Variants in SGIP1 observed in about 807,000 individuals in gnomAD.
The protein encoded by SGIP1 is SH3-containing GRB2-like protein 3-interacting protein 1.
Under a neutral mutation model 107.5 loss-of-function variants are expected in SGIP1, and 38 were observed. That is an observed-to-expected ratio of 0.35 (90% CI 0.27 to 0.46). SGIP1 has a LOEUF of 0.46. SGIP1 is among the 20% of genes least tolerant of loss of function. The pLI, the probability that SGIP1 is intolerant of heterozygous loss-of-function variation, is 1.00. For synonymous variants in SGIP1, 365 were observed against 366.1 expected (o/e 1.00, Z 0.03); for missense variants, 929 against 1,019.5 (o/e 0.91, Z 1.21).
intron 5 of SGIP1, among the ~76,000 whole-genome samples, chr1:66,640,261 T>A (rs541849305): frequency 6.6e-6 from 1 of 152,346 alleles, no homozygotes; most frequent in South Asian, 2.1e-4. Flanking sequence ...GTGTCATTGT[T>A]GCAAGGATTC....
At chr1:66,597,889 G>A (rs1193003993) in intron 1 of SGIP1, among the ~76,000 whole-genome samples, 3 of 151,994 alleles carry the variant, frequency 2.0e-5, no homozygotes, top group Non-Finnish European at 4.4e-5. Context: ...ACAAAAAGTC[G>A]ACAAATTGAG....
At chr1:66,591,227 A>G (rs2063567051) in intron 1 of SGIP1, among the ~76,000 whole-genome samples, 1 of 152,166 alleles carries the variant, frequency 6.6e-6, no homozygotes, top group Non-Finnish European at 1.5e-5. Context: ...CATTTCACCA[A>G]CAATGCCATA....
At chr1:66,653,254 G>A (rs1461974580) in intron 7 of SGIP1, among the ~76,000 whole-genome samples, 1 of 152,098 alleles carries the variant, frequency 6.6e-6, no homozygotes, top group African/African-American at 2.4e-5. Context: ...TGGACTGTGT[G>A]CAGAAAATTA....
chr1:66,671,383 C>T (rs1250493684), intron 10 of SGIP1, among the ~76,000 whole-genome samples: 2 of 152,020 alleles, frequency 1.3e-5, no homozygotes, highest in African/African-American at 4.8e-5. Flanking sequence ...AGCAACTTAC[C>T]CATTCTTGTG....
chr1:66,599,680 G>T (rs940037850), intron 1 of SGIP1, among the ~76,000 whole-genome samples: 1 of 152,150 alleles, frequency 6.6e-6, no homozygotes, highest in African/African-American at 2.4e-5. Flanking sequence ...TTGAGTATAC[G>T]AGGAAAATGT....
chr1:66,677,649 C>T (rs1159197809), intron 13 of SGIP1, among the ~76,000 whole-genome samples: 2 of 152,278 alleles, frequency 1.3e-5, no homozygotes, highest in East Asian at 1.9e-4. Flanking sequence ...ATGACCCAGG[C>T]GTCTGGGAAA....
intron 1 of SGIP1, among the ~76,000 whole-genome samples, chr1:66,574,066 A>C (rs966617898): frequency 6.6e-6 from 1 of 152,126 alleles, no homozygotes; most frequent in African/African-American, 2.4e-5. Flanking sequence ...CCTCATTCAC[A>C]TAACAATCCA....
At chr1:66,632,859 T>G (rs2075058645) in intron 2 of SGIP1, among the ~76,000 whole-genome samples, 1 of 152,184 alleles carries the variant, frequency 6.6e-6, no homozygotes, top group South Asian at 2.1e-4. Flanking sequence ...TGCAATTTTT[T>G]AATGAGAATT....
At chr1:66,684,271 T>G in intron 15 of SGIP1, 1 of 1,540,514 alleles carries the variant, frequency 6.5e-7, no homozygotes, top group Non-Finnish European at 8.8e-7. Context: ...ATTCCAAACT[T>G]ATTTGACTAC....
At chr1:66,634,741 T>G (rs1438063510) in intron 3 of SGIP1, among the ~76,000 whole-genome samples, 1 of 152,228 alleles carries the variant, frequency 6.6e-6, no homozygotes, top group Non-Finnish European at 1.5e-5. Context: ...AAGGCTACGT[T>G]CAAAATAAAT....
At chr1:66,704,164 T>A (rs2092284346) in intron 18 of SGIP1, 1 of 152,082 alleles carries the variant, frequency 6.6e-6, no homozygotes, top group South Asian at 2.1e-4. Flanking sequence ...TACTTAGTTC[T>A]TGCCTGCTTT....
At chr1:66,557,801 C>A (rs1245699481) in intron 1 of SGIP1, among the ~76,000 whole-genome samples, 1 of 152,118 alleles carries the variant, frequency 6.6e-6, no homozygotes, top group Non-Finnish European at 1.5e-5. Context: ...TTGTGCCACA[C>A]CTGAAATTAA....
rs199916019 is a variant in SGIP1, at chr1:66,534,358, C to T, written c.-1C>T. Reference sequence around the variant, plus strand: ...AAATTAAGGAATGCAATTCTGCCACCATGATGGAAGGTAGGATGCTTTCTG... The same window carrying T: ...AAATTAAGGAATGCAATTCTGCCACTATGATGGAAGGTAGGATGCTTTCTG... On this transcript the variant is annotated 5_prime_UTR_variant, in exon 1 of 25. Coordinates refer to ENST00000371037, the MANE Select transcript of SGIP1 (RefSeq NM_032291.4). 1 of 1,614,082 alleles carries T rather than the reference C, an allele frequency of 6.2e-7. No homozygotes were observed. The highest frequency in any genetic ancestry group is 8.5e-7 in the Non-Finnish European group (1 of 1,179,984).
At chr1:66,565,710 C>T (rs537378839) in intron 1 of SGIP1, among the ~76,000 whole-genome samples, 61 of 151,950 alleles carry the variant, frequency 4.0e-4, no homozygotes, top group Non-Finnish European at 8.2e-4. Context: ...AGAAGACTCT[C>T]GCTCCTCTAA....
intron 3 of SGIP1, among the ~76,000 whole-genome samples, chr1:66,633,805 G>GAAA (rs11420348): frequency 6.6e-6 from 1 of 150,938 alleles, no homozygotes; most frequent in Non-Finnish European, 1.5e-5. Flanking sequence ...AGCTGTTACT[G>GAAA]AAAAAAAAAT....
intron 1 of SGIP1, among the ~76,000 whole-genome samples, chr1:66,614,130 C>G (rs905265956): frequency 1.3e-5 from 2 of 152,100 alleles, no homozygotes; most frequent in Non-Finnish European, 2.9e-5. Flanking sequence ...AGTAGAGCAA[C>G]AAATATGTAT....
At chr1:66,642,678 T>C in intron 5 of SGIP1, 132 bp from the exon 6 acceptor site, 1 of 645,310 alleles carries the variant, frequency 1.5e-6, no homozygotes, top group Non-Finnish European at 2.5e-6. Context: ...AGAATTCACT[T>C]CCAAAAGTAA....
At chr1:66,641,723 T>TTG in intron 5 of SGIP1, among the ~76,000 whole-genome samples, 1 of 152,222 alleles carries the variant, frequency 6.6e-6, no homozygotes, top group South Asian at 2.1e-4. Flanking sequence ...ATGATCATTC[T>TTG]AATCCCAACA....
chr1:66,626,112 GT>G, intron 2 of SGIP1: 1 of 215,240 alleles, frequency 4.6e-6, no homozygotes, highest in African/African-American at 2.7e-5. Context: ...CATGTGTTCA[GT>G]TTTTATCACA....
Sources: gnomAD v4.1 joint callset for allele counts (sites outside exome capture counted in the v4.1 genomes callset) on GRCh38, gnomAD v4.1.1 for gene constraint, MANE v1.5 for transcripts, NCBI Gene and HGNC (gene_info 2026-07-23, HGNC 2026-07-21) for gene names.